Variants in ARPP21 observed in about 807,000 individuals in gnomAD.
ARPP21 encodes cAMP regulated phosphoprotein 21, also known as cAMP-regulated phosphoprotein 21.
Under a neutral mutation model 113.2 loss-of-function variants are expected in ARPP21, and 69 were observed. The observed-to-expected ratio is 0.61, with a 90% CI of 0.50 to 0.74. ARPP21 has a LOEUF of 0.74. ARPP21 is among the 30% of genes least tolerant of loss of function. ARPP21 has a pLI of 0.00. For missense variants in ARPP21, 1,070 were observed against 1,037.4 expected, an observed-to-expected ratio of 1.03 and a Z score of -0.43; for synonymous variants, 368 against 375.5, an observed-to-expected ratio of 0.98 and a Z score of 0.23.
Position 35,690,853 on chromosome 3 carries a change from A to T in ARPP21, c.546-12A>T. On this transcript the variant is annotated splice_polypyrimidine_tract_variant and intron_variant, in intron 8 of 20. Coordinates refer to ENST00000684406, the MANE Select transcript of ARPP21 (RefSeq NM_001385562.1). ...AAATGCTGATTCCACTTTTTCTTGA[A>T]TTATGTTCTAGTAATCATTATAAAA... 1 of 1,587,388 alleles carries T rather than the reference A, an allele frequency of 6.3e-7. No individual in the cohort carries two copies. Among genetic ancestry groups the T allele is most frequent in the Non-Finnish European group, 8.6e-7 (1 of 1,168,626 alleles).
chr3:35,703,116 A>G (rs753416265), intron 9 of ARPP21, among the ~76,000 whole-genome samples: 10 of 151,880 alleles, frequency 6.6e-5, no homozygotes, highest in Non-Finnish European at 1.5e-4. Flanking sequence ...TTCTTCATTT[A>G]TGTTTGGAAA....
At chr3:35,659,226 A>T (rs1706495591) in intron 1 of ARPP21, among the ~76,000 whole-genome samples, 1 of 152,208 alleles carries the variant, frequency 6.6e-6, no homozygotes, top group Admixed American at 6.5e-5. Flanking sequence ...CCCAGCACAC[A>T]TACATACATG....
At chr3:35,790,046 C>A (rs963508206) in intron 19 of ARPP21, among the ~76,000 whole-genome samples, 4 of 152,050 alleles carry the variant, frequency 2.6e-5, no homozygotes, top group Non-Finnish European at 5.9e-5. Context: ...TCCCTCTTTT[C>A]CTTCCCTCCT....
chr3:35,640,410 G>A lies in ARPP21; in HGVS notation c.-213+12G>A, dbSNP rs1697622642. On this transcript the variant is annotated intron_variant, in intron 1 of 20. Coordinates refer to ENST00000684406, the MANE Select transcript of ARPP21 (RefSeq NM_001385562.1). Reference sequence around the variant, plus strand: ...ACAGTTCGATCAAGGTAATAATCAAGGTCTTCCGACGTGAACATTGCACGC... The same window carrying A: ...ACAGTTCGATCAAGGTAATAATCAAAGTCTTCCGACGTGAACATTGCACGC... 1 of 152,130 alleles carries A rather than the reference G, an allele frequency of 6.6e-6. No individual in the cohort carries two copies. Among genetic ancestry groups the A allele is most frequent in the Non-Finnish European group, 1.5e-5 (1 of 68,034 alleles). The allele number at this position is 152,130 out of a possible 1,614,324, so 9.4% of individuals were successfully genotyped here. A position where few individuals can be genotyped will look rare whatever the true frequency, so the allele number is the denominator to read the frequency against.
At chr3:35,684,002 T>G in intron 5 of ARPP21, 187 bp downstream of exon 5, 1 of 1,517,112 alleles carries the variant, frequency 6.6e-7, no homozygotes, top group Non-Finnish European at 9.1e-7. Context: ...CACAGAGTAT[T>G]AAATTTGTTT....
At chr3:35,708,936 G>T in intron 10 of ARPP21, 33 bp from the exon 11 acceptor site, 1 of 1,493,834 alleles carries the variant, frequency 6.7e-7, no homozygotes, top group East Asian at 2.3e-5. Context: ...AACGCAACTT[G>T]GATAACCCTC....
chr3:35,662,026 C>G (rs973212853), intron 1 of ARPP21, among the ~76,000 whole-genome samples: 1 of 152,074 alleles, frequency 6.6e-6, no homozygotes, highest in South Asian at 2.1e-4. Flanking sequence ...AGTAGACATA[C>G]TTTGGATTTG....
chr3:35,715,385 G>T lies in ARPP21; in HGVS notation c.898-54G>T, dbSNP rs377652754. 3.0e-5 allele frequency: 44 copies of T among 1,468,372 alleles called. 1 individual carries two copies. In the African/African-American group the frequency reaches 5.6e-4, roughly 19 times the overall value. The allele number at this position is 1,468,372 out of a possible 1,614,324, so 91.0% of individuals were successfully genotyped here. A position where few individuals can be genotyped will look rare whatever the true frequency, so the allele number is the denominator to read the frequency against. ...GTTTTAAAATCAGGCAAGTATTTGG[G>T]ATCCCTCAGCATATCCAGAACTTCT... On this transcript the variant is annotated intron_variant, in intron 11 of 20. Transcript: ENST00000684406.
chr3:35,739,391 A>G lies in ARPP21; in HGVS notation c.1824A>G (p.Pro608=), dbSNP rs768953897. Reference sequence around the variant, plus strand: ...CCTCGGGGGAGACTCCTGAACCCCCATCAGGTCCTGTCTACCCATCCTCCC... The same window carrying G: ...CCTCGGGGGAGACTCCTGAACCCCCGTCAGGTCCTGTCTACCCATCCTCCC... The part of the protein sequence containing the change: ...RQSSGETPEP[P]SGPVYPSSLM... The change falls in exon 18 of 21, where the codon CCA becomes CCG. Residue 608 remains proline, a synonymous_variant. Coordinates refer to ENST00000684406, the MANE Select transcript of ARPP21 (RefSeq NM_001385562.1). 2 of 1,614,050 alleles carry G rather than the reference A, an allele frequency of 1.2e-6. No individual in the cohort carries two copies. The highest frequency in any genetic ancestry group is 1.7e-6 in the Non-Finnish European group (2 of 1,180,004).
In ARPP21 at chr3:35,674,548, G is replaced by A. The variant is rs1284023239; in HGVS notation, c.-212-5239G>A. On this transcript the variant is annotated intron_variant, in intron 1 of 20. Coordinates refer to ENST00000684406, the MANE Select transcript of ARPP21 (RefSeq NM_001385562.1). ...ATTATGATGCCTACCTACAAAACCT[G>A]GGTATACTTTATCTGGGAATAATGC... is the stretch of plus-strand genomic sequence containing the variant. 2.0e-5 allele frequency among the ~76,000 whole-genome samples: 3 copies of A among 151,866 alleles called. No homozygotes were observed. The East Asian group carries it at 5.9e-4, about 30-fold the overall frequency.
Position 35,681,819 on chromosome 3 carries a change from C to T in ARPP21, c.68C>T (p.Thr23Ile), listed in dbSNP as rs751593887. ...EEGGTEQETA[T>I]PENGIVKSES... ...GGAGGGACTGAGCAGGAGACGGCCA[C>T]TCCAGAGAACGGCATTGTTAAATCA... The change falls in exon 3 of 21, where the codon ACT (threonine) becomes ATT (isoleucine). Residue 23 changes from threonine (T) to isoleucine (I), a missense_variant. Physicochemically the swap from Thr to Ile is moderately conservative, Grantham distance 89. Transcript: ENST00000684406. 6.2e-7 allele frequency: 1 copy of T among 1,611,960 alleles called. No homozygotes were observed.
chr3:35,731,960 T>C (rs1287152606), intron 15 of ARPP21, among the ~76,000 whole-genome samples: 1 of 152,204 alleles, frequency 6.6e-6, no homozygotes. Flanking sequence ...AGTTATTTTA[T>C]TTTATTTGTT....
At position 35,729,389 on chromosome 3, in the gene ARPP21, G is replaced by A. The variant is rs1421294281; in HGVS notation, c.1312G>A (p.Val438Met). The part of the protein sequence containing the change: ...PLQSTPLVSG[V>M]AAGSPGCVPY... ...CCAGAGCACACCCCTAGTCTCAGGTGTGGCAGCTGGCTCTCCAGGCTGTGT... is the reference window on the plus strand; with the variant it reads ...CCAGAGCACACCCCTAGTCTCAGGTATGGCAGCTGGCTCTCCAGGCTGTGT... The change falls in exon 15 of 21, where the codon GTG (valine) becomes ATG (methionine). Residue 438 changes from valine (V) to methionine (M), a missense_variant. Coordinates refer to ENST00000684406, the MANE Select transcript of ARPP21 (RefSeq NM_001385562.1). The A allele has an allele frequency of 6.2e-7, 1 of 1,614,176 alleles. No individual in the cohort carries two copies. Among genetic ancestry groups the A allele is most frequent in the South Asian group, 1.1e-5 (1 of 91,086 alleles).
chr3:35,696,655 G>C (rs1195673465), intron 9 of ARPP21, among the ~76,000 whole-genome samples: 2 of 151,410 alleles, frequency 1.3e-5, no homozygotes, highest in Non-Finnish European at 3.0e-5. Flanking sequence ...TGATGCTGCT[G>C]AATGAGACCC....
At position 35,721,769 on chromosome 3, in the gene ARPP21, T is replaced by TCA; in HGVS notation, c.1162_1163dup (p.Val389ArgfsTer3). 1 of 1,613,714 alleles carries TCA rather than the reference T, an allele frequency of 6.2e-7. No individual in the cohort carries two copies. The highest frequency in any genetic ancestry group is 8.5e-7 in the Non-Finnish European group (1 of 1,179,802). ...ACCAAGACGGCGAGTTTTGGGGGCA[T>TCA]CACGGTGCTGACCAGGGGTGACAGC... is the stretch of plus-strand genomic sequence containing the variant. On this transcript the variant is annotated frameshift_variant, in exon 14 of 21. Coordinates refer to ENST00000684406, the MANE Select transcript of ARPP21 (RefSeq NM_001385562.1). LOFTEE classifies it high-confidence loss of function.
At chr3:35,717,242 A>G (rs2092536822) in intron 12 of ARPP21, 56 bp from the exon 13 acceptor site, 1 of 970,698 alleles carries the variant, frequency 1.0e-6, no homozygotes, top group Non-Finnish European at 1.7e-6. Context: ...ATGTAAACAC[A>G]AGGCATTTAG....
chr3:35,772,257 A>G (rs1488220860), intron 19 of ARPP21, among the ~76,000 whole-genome samples: 2 of 152,168 alleles, frequency 1.3e-5, no homozygotes, highest in Non-Finnish European at 2.9e-5. Flanking sequence ...AATGGCAAAC[A>G]TCTTCCAGAG....
rs771767602 is a variant in ARPP21, at chr3:35,743,891, A to G, written c.2063A>G (p.Gln688Arg). Residue 688 changes from glutamine (Q) to arginine (R), a missense_variant, in exon 19 of 21, where the codon CAG becomes CGG. Transcript: ENST00000684406. Reference protein sequence around the residue: ...SGQYPTSTTQQYRPMAPVQYN... With the variant: ...SGQYPTSTTQRYRPMAPVQYN... ...CAGTACCCTACCTCAACCACGCAAC[A>G]GTACCGGCCCATGGCCCCGGTTCAG... 4 of 1,613,778 alleles carry G rather than the reference A, an allele frequency of 2.5e-6. No individual in the cohort carries two copies. The highest frequency in any genetic ancestry group is 2.2e-5 in the East Asian group (1 of 44,894).
intron 9 of ARPP21, among the ~76,000 whole-genome samples, chr3:35,698,411 G>A (rs954236833): frequency 2.0e-5 from 3 of 151,454 alleles, no homozygotes; most frequent in South Asian, 2.1e-4. Context: ...TGAAACATGC[G>A]TATATGTTCT....
Sources: gnomAD v4.1 joint callset for allele counts (sites outside exome capture counted in the v4.1 genomes callset) on GRCh38, gnomAD v4.1.1 for gene constraint, MANE v1.5 for transcripts, NCBI Gene and HGNC (gene_info 2026-07-23, HGNC 2026-07-21) for gene names.